The following ALK variants were observed in gnomAD, a reference collection of about 807,000 sequenced individuals.
ALK encodes the protein ALK tyrosine kinase receptor.
Under a neutral mutation model 163.1 loss-of-function variants are expected in ALK, and 74 were observed. The ratio of observed to expected loss-of-function variants is 0.45; its 90% CI spans 0.38 to 0.55. The LOEUF (loss-of-function observed/expected upper bound fraction) is 0.55, where lower values mean the gene tolerates loss of function less well. Ranked by LOEUF, ALK falls within the 20% of genes least tolerant of loss-of-function variation. The pLI, the probability that ALK is intolerant of heterozygous loss-of-function variation, is 0.00. For missense variants in ALK, 2,063 were observed against 2,105.3 expected, an observed-to-expected ratio of 0.98 and a Z score of 0.39; for synonymous variants, 960 against 843.2, an observed-to-expected ratio of 1.14 and a Z score of -2.40.
chr2:29,808,357 A>G (rs1664671742), intron 1 of ALK, among the ~76,000 whole-genome samples: 1 of 152,152 alleles, frequency 6.6e-6, no homozygotes, highest in Admixed American at 6.5e-5. Context: ...AGCATCTGGC[A>G]CTCAGAGAAG....
intron 3 of ALK, among the ~76,000 whole-genome samples, chr2:29,686,760 C>T (rs1265292668): frequency 6.6e-6 from 1 of 152,194 alleles, no homozygotes; most frequent in Non-Finnish European, 1.5e-5. Flanking sequence ...CCAGGAAAGG[C>T]CTGTCCTGAT....
chr2:29,584,503 G>T (rs1489143807), intron 3 of ALK, among the ~76,000 whole-genome samples: 1 of 152,148 alleles, frequency 6.6e-6, no homozygotes, highest in Non-Finnish European at 1.5e-5. Context: ...ACATCCGTGT[G>T]ACCATGGAAA....
chr2:29,580,200 G>A (rs1374473663), intron 3 of ALK, among the ~76,000 whole-genome samples: 3 of 152,038 alleles, frequency 2.0e-5, no homozygotes, highest in African/African-American at 2.4e-5. Context: ...AAGTCCAACC[G>A]CTGCCCTGCC....
chr2:29,713,772 T>C (rs1034379822), intron 2 of ALK, among the ~76,000 whole-genome samples: 5 of 152,054 alleles, frequency 3.3e-5, no homozygotes, highest in Admixed American at 3.3e-4. Flanking sequence ...ATAATTTTCA[T>C]CTACTGCAAT....
chr2:29,210,993 T>C (rs764312207), intron 24 of ALK, among the ~76,000 whole-genome samples: 1 of 152,194 alleles, frequency 6.6e-6, no homozygotes, highest in Admixed American at 6.5e-5. Flanking sequence ...TAAGGTCCTG[T>C]GCAGGAAAAA....
At position 29,694,055 on chromosome 2, in the gene ALK, G is replaced by A. The variant is rs74406962; in HGVS notation, c.952+795C>T. On this transcript the variant is annotated intron_variant, in intron 3 of 28. Coordinates refer to ENST00000389048, the MANE Select transcript of ALK (RefSeq NM_004304.5). ...GCCAGGAACATAGGCTTTCAATTCT[G>A]AGTTAGTAGAGTTTTCTAGGTCCAA... 6.2e-3 allele frequency among the ~76,000 whole-genome samples: 950 copies of A among 152,264 alleles called. 13 individuals are homozygous for A. Among genetic ancestry groups the A allele is most frequent in the African/African-American group, 0.02 (842 of 41,536 alleles).
intron 3 of ALK, among the ~76,000 whole-genome samples, chr2:29,597,973 G>A (rs1675262482): frequency 6.6e-6 from 1 of 152,204 alleles, no homozygotes. Context: ...CTTCATTTGG[G>A]TTTTGTCACC....
chr2:29,750,730 A>G (rs950329530), intron 1 of ALK, among the ~76,000 whole-genome samples: 1 of 140,818 alleles, frequency 7.1e-6, no homozygotes, highest in Admixed American at 7.0e-5. Flanking sequence ...GAAGGAAGGA[A>G]GAAAGGGAGG....
chr2:29,872,671 T>C (rs142746346), intron 1 of ALK, among the ~76,000 whole-genome samples: 256 of 152,346 alleles, frequency 1.7e-3, no homozygotes, highest in African/African-American at 5.8e-3. Flanking sequence ...AATTCAAATT[T>C]TGAAGTACAG....
At chr2:29,616,118 C>A (rs1354076862) in intron 3 of ALK, among the ~76,000 whole-genome samples, 3 of 152,232 alleles carry the variant, frequency 2.0e-5, no homozygotes, top group East Asian at 1.9e-4. Context: ...CACAGCCAGG[C>A]ATATTATGTC....
At chr2:29,696,479 C>G (rs938260748) in intron 2 of ALK, among the ~76,000 whole-genome samples, 2 of 141,018 alleles carry the variant, frequency 1.4e-5, no homozygotes, top group Non-Finnish European at 3.1e-5. Flanking sequence ...CACGTGTATA[C>G]CTATGTAACA....
intron 3 of ALK, among the ~76,000 whole-genome samples, chr2:29,637,483 T>C (rs2339544): frequency 0.63 from 96,206 of 151,788 alleles, 31,540 homozygotes; most frequent in Middle Eastern, 0.75. Flanking sequence ...AACAGGCGGG[T>C]GGATCATTTG....
At chr2:29,773,169 A>G (rs746698777) in intron 1 of ALK, among the ~76,000 whole-genome samples, 20 of 152,220 alleles carry the variant, frequency 1.3e-4, no homozygotes, top group Non-Finnish European at 2.5e-4. Flanking sequence ...TCAAAAAAGA[A>G]TATTTTATTA....
chr2:29,487,162 A>G (rs1671794738), intron 4 of ALK, among the ~76,000 whole-genome samples: 1 of 152,216 alleles, frequency 6.6e-6, no homozygotes, highest in South Asian at 2.1e-4. Context: ...AGAGTCATCA[A>G]AAAAGTAGAC....
At chr2:29,445,711 A>C (rs1381118050) in intron 4 of ALK, among the ~76,000 whole-genome samples, 1 of 152,172 alleles carries the variant, frequency 6.6e-6, no homozygotes, top group African/African-American at 2.4e-5. Flanking sequence ...AGTCCCAGTT[A>C]CTTGGGAGGC....
At chr2:29,340,324 G>A (rs1390438549) in intron 5 of ALK, among the ~76,000 whole-genome samples, 1 of 152,206 alleles carries the variant, frequency 6.6e-6, no homozygotes, top group Non-Finnish European at 1.5e-5. Context: ...AGATTCTGCA[G>A]CAGAGAAAGC....
At chr2:29,899,199 G>A (rs1667346797) in intron 1 of ALK, among the ~76,000 whole-genome samples, 2 of 152,196 alleles carry the variant, frequency 1.3e-5, no homozygotes, top group Non-Finnish European at 2.9e-5. Flanking sequence ...GTGCACTCGA[G>A]CTTGAGACTA....
At chr2:29,746,240 T>G (rs1680205892) in intron 1 of ALK, among the ~76,000 whole-genome samples, 1 of 152,196 alleles carries the variant, frequency 6.6e-6, no homozygotes, top group Admixed American at 6.5e-5. Flanking sequence ...TACTGCCAAC[T>G]ATGGGTTTCT....
chr2:29,249,856 G>A (rs1664773514), intron 12 of ALK, among the ~76,000 whole-genome samples: 2 of 152,184 alleles, frequency 1.3e-5, no homozygotes, highest in Admixed American at 1.3e-4. Flanking sequence ...TATTTACTGG[G>A]GGTGTGTGGG....
Sources: allele counts gnomAD v4.1 joint callset (sites outside exome capture counted in the v4.1 genomes callset), GRCh38; gene constraint gnomAD v4.1.1; transcripts MANE v1.5; gene names NCBI Gene and HGNC (gene_info 2026-07-23, HGNC 2026-07-21).